Variants in FLT1 observed in about 807,000 individuals in gnomAD.
The protein encoded by FLT1 is vascular endothelial growth factor receptor 1.
In FLT1, 49 loss-of-function variants were observed where a neutral mutation model predicts 156.3. The observed-to-expected ratio is 0.31, with a 90% CI of 0.25 to 0.40. The LOEUF (loss-of-function observed/expected upper bound fraction) is 0.40. Ranked by LOEUF, FLT1 falls within the 10% of genes least tolerant of loss-of-function variation. The pLI is 1.00. For synonymous variants in FLT1, 594 were observed against 583.8 expected (o/e 1.02, Z -0.25); for missense variants, 1,322 against 1,637.2 (o/e 0.81, Z 3.32).
chr13:28,387,041 A>T, intron 13 of FLT1: 1 of 1,037,592 alleles, frequency 9.6e-7, no homozygotes, highest in East Asian at 5.9e-5. Context: ...CACGATTTGG[A>T]CTCCCTGACA....
At chr13:28,481,227 T>C (rs1002062815) in intron 1 of FLT1, among the ~76,000 whole-genome samples, 4 of 152,128 alleles carry the variant, frequency 2.6e-5, no homozygotes, top group Non-Finnish European at 5.9e-5. Context: ...AAATATCTCC[T>C]GGGAAGCAAT....
chr13:28,430,235 A>G, intron 7 of FLT1, 68 bp from the exon 8 acceptor site: 1 of 1,074,966 alleles, frequency 9.3e-7, no homozygotes, highest in Non-Finnish European at 1.4e-6. Flanking sequence ...TTAGGGCCTC[A>G]TTCAGGGAGG....
chr13:28,328,575 C>T (rs143658742), intron 19 of FLT1, among the ~76,000 whole-genome samples: 11 of 152,320 alleles, frequency 7.2e-5, no homozygotes, highest in East Asian at 3.9e-4. Context: ...TCTCTTAGTA[C>T]GAGGAACACG....
intron 25 of FLT1, among the ~76,000 whole-genome samples, chr13:28,314,243 C>A (rs1871116901): frequency 6.6e-6 from 1 of 152,202 alleles, no homozygotes; most frequent in Admixed American, 6.5e-5. Context: ...CCATCCTGAG[C>A]AGGACACTCC....
At chr13:28,460,131 T>C (rs1879483534) in intron 3 of FLT1, among the ~76,000 whole-genome samples, 1 of 152,212 alleles carries the variant, frequency 6.6e-6, no homozygotes, top group African/African-American at 2.4e-5. Flanking sequence ...CAGTGTTGAC[T>C]GAGCCTTCTG....
intron 3 of FLT1, among the ~76,000 whole-genome samples, chr13:28,458,635 A>G (rs1019852552): frequency 6.6e-6 from 1 of 152,236 alleles, no homozygotes; most frequent in African/African-American, 2.4e-5. Flanking sequence ...TTCTGTCCCA[A>G]TCATATATCA....
At chr13:28,409,403 T>C (rs1876006407) in intron 10 of FLT1, among the ~76,000 whole-genome samples, 1 of 151,872 alleles carries the variant, frequency 6.6e-6, no homozygotes. Flanking sequence ...GGAGCAATCT[T>C]GGCTTATTAC....
chr13:28,467,180 T>C, intron 2 of FLT1, 51 bp from the exon 3 acceptor site: 8 of 1,304,942 alleles, frequency 6.1e-6, no homozygotes, highest in Non-Finnish European at 8.8e-6. Flanking sequence ...GGCCCTAGGC[T>C]CAGCACCAGT....
chr13:28,396,390 G>T (rs1274844355), intron 12 of FLT1, among the ~76,000 whole-genome samples: 8 of 152,130 alleles, frequency 5.3e-5, no homozygotes, highest in Admixed American at 5.2e-4. Context: ...AGTGCCATTT[G>T]TGTACCTTGG....
chr13:28,404,584 G>T (rs1875665953), intron 11 of FLT1, among the ~76,000 whole-genome samples: 1 of 152,208 alleles, frequency 6.6e-6, no homozygotes, highest in Non-Finnish European at 1.5e-5. Context: ...CAAGTGCAAA[G>T]TGTACGGCTG....
At chr13:28,427,076 T>C in intron 10 of FLT1, 83 bp downstream of exon 10, 1 of 1,281,638 alleles carries the variant, frequency 7.8e-7, no homozygotes, top group Non-Finnish European at 1.1e-6. Flanking sequence ...CACATGCAGA[T>C]TCCCATCTGC....
At chr13:28,419,354 T>C (rs564084333) in intron 10 of FLT1, among the ~76,000 whole-genome samples, 1 of 152,328 alleles carries the variant, frequency 6.6e-6, no homozygotes, top group East Asian at 1.9e-4. Context: ...GAAGTGCATG[T>C]TTTATAAGTG....
At chr13:28,494,186 G>A (rs1881623902) in intron 1 of FLT1, among the ~76,000 whole-genome samples, 1 of 152,212 alleles carries the variant, frequency 6.6e-6, no homozygotes, top group Non-Finnish European at 1.5e-5. Flanking sequence ...ATGGGATGCC[G>A]GCGCTGGCCC....
chr13:28,412,350 C>CTCTTTCTTTCTTTCTT lies in FLT1; in HGVS notation c.1437-6472_1437-6457dup, dbSNP rs531785690. 1.6e-4 allele frequency among the ~76,000 whole-genome samples: 15 copies of CTCTTTCTTTCTTTCTT among 93,808 alleles called. 1 individual carries two copies. Among genetic ancestry groups the CTCTTTCTTTCTTTCTT allele is most frequent in the Middle Eastern group, 5.1e-3 (1 of 198 alleles). 61.5% of individuals were successfully genotyped at this position (93,808 alleles called of 152,430 possible). On this transcript the variant is annotated intron_variant, in intron 10 of 29. Transcript: ENST00000282397. Reference sequence around the variant, plus strand: ...CTTTCTTTTCTTTCTTTCTTTCTTTCTCTTTCTTTCTTTCTTTCTTTCTTT... The same window carrying CTCTTTCTTTCTTTCTT: ...CTTTCTTTTCTTTCTTTCTTTCTTTCTCTTTCTTTCTTTCTTTCTTTCTTTCTTTCTTTCTTTCTTT...
At chr13:28,465,973 G>A (rs778603731) in intron 3 of FLT1, among the ~76,000 whole-genome samples, 32 of 152,220 alleles carry the variant, frequency 2.1e-4, no homozygotes, top group Non-Finnish European at 3.7e-4. Context: ...TATTGATGCT[G>A]ATGGTTGGTT....
chr13:28,415,294 A>G (rs1432331984), intron 10 of FLT1, among the ~76,000 whole-genome samples: 1 of 152,178 alleles, frequency 6.6e-6, no homozygotes, highest in Non-Finnish European at 1.5e-5. Context: ...AGCCTGACCA[A>G]CATGGAGAAA....
chr13:28,370,506 C>A (rs995740545), intron 14 of FLT1, among the ~76,000 whole-genome samples: 1 of 152,076 alleles, frequency 6.6e-6, no homozygotes, highest in Admixed American at 6.5e-5. Flanking sequence ...TTTCTAAAAG[C>A]CTTGAAGAGG....
chr13:28,473,460 C>T (rs1248396800), intron 1 of FLT1, among the ~76,000 whole-genome samples: 1 of 151,780 alleles, frequency 6.6e-6, no homozygotes, highest in Non-Finnish European at 1.5e-5. Flanking sequence ...GCCTGGCCAA[C>T]ATGGTGAAAC....
intron 16 of FLT1, among the ~76,000 whole-genome samples, chr13:28,344,597 C>T (rs1220362238): frequency 6.6e-6 from 1 of 152,100 alleles, no homozygotes; most frequent in East Asian, 1.9e-4. Context: ...TAAATGTAAG[C>T]TCTTTTCCCA....
Sources: allele counts gnomAD v4.1 joint callset (sites outside exome capture counted in the v4.1 genomes callset), GRCh38; gene constraint gnomAD v4.1.1; transcripts MANE v1.5; gene names NCBI Gene and HGNC (gene_info 2026-07-23, HGNC 2026-07-21).